Variants in DENND5B observed in about 807,000 individuals in gnomAD.
DENND5B encodes DENN domain containing 5B.
Under a neutral mutation model 140.6 loss-of-function variants are expected in DENND5B, and 34 were observed. The observed-to-expected ratio is 0.24, with a 90% CI of 0.18 to 0.32. The LOEUF (loss-of-function observed/expected upper bound fraction) is 0.32. Among genes scored for constraint, DENND5B ranks in the 10% least tolerant of loss-of-function variants. The pLI is 1.00. For synonymous variants in DENND5B, 551 were observed against 562.1 expected (o/e 0.98, Z 0.28); for missense variants, 1,142 against 1,560.2 (o/e 0.73, Z 4.52).
At chr12:31,529,710 A>G (rs1948213669) in intron 1 of DENND5B, among the ~76,000 whole-genome samples, 1 of 151,824 alleles carries the variant, frequency 6.6e-6, no homozygotes, top group Non-Finnish European at 1.5e-5. Flanking sequence ...CAAAATAAAT[A>G]AATAAATAAA....
intron 1 of DENND5B, among the ~76,000 whole-genome samples, chr12:31,517,128 T>A (rs907798094): frequency 2.0e-4 from 30 of 152,186 alleles, no homozygotes; most frequent in African/African-American, 7.2e-4. Flanking sequence ...ATAAAAACTT[T>A]AGATAAATGA....
intron 1 of DENND5B, among the ~76,000 whole-genome samples, chr12:31,523,516 A>G (rs1947978725): frequency 6.6e-6 from 1 of 152,142 alleles, no homozygotes. Context: ...TCACCAAAAC[A>G]AAACAAAAAA....
chr12:31,531,395 TC>T (rs1948275929), intron 1 of DENND5B, among the ~76,000 whole-genome samples: 1 of 152,162 alleles, frequency 6.6e-6, no homozygotes, highest in African/African-American at 2.4e-5. Flanking sequence ...AGACAGTGTT[TC>T]GCCATGTTGG....
chr12:31,437,138 G>GC (rs1174192766), intron 7 of DENND5B, among the ~76,000 whole-genome samples: 2 of 101,444 alleles, frequency 2.0e-5, no homozygotes, highest in African/African-American at 5.9e-5. Flanking sequence ...TATAGCACCT[G>GC]CCCCCCCCTT....
At chr12:31,435,588 C>T (rs1350347298) in intron 7 of DENND5B, among the ~76,000 whole-genome samples, 5 of 152,170 alleles carry the variant, frequency 3.3e-5, no homozygotes, top group Admixed American at 2.6e-4. Context: ...AAGACTTCTA[C>T]TTATTTACGT....
chr12:31,517,239 C>T (rs889724726), intron 1 of DENND5B, among the ~76,000 whole-genome samples: 3 of 152,224 alleles, frequency 2.0e-5, no homozygotes, highest in Admixed American at 6.5e-5. Flanking sequence ...CTACAACCCA[C>T]GGTGATTCCT....
chr12:31,468,587 G>A (rs528076996), intron 3 of DENND5B, among the ~76,000 whole-genome samples: 1 of 151,772 alleles, frequency 6.6e-6, no homozygotes, highest in Admixed American at 6.6e-5. Context: ...CAGGAGGATC[G>A]CTTGGACCCA....
chr12:31,530,140 C>T (rs997288387), intron 1 of DENND5B, among the ~76,000 whole-genome samples: 1 of 151,926 alleles, frequency 6.6e-6, no homozygotes, highest in Non-Finnish European at 1.5e-5. Flanking sequence ...TGGGAGGCAG[C>T]GGCGGGCAGA....
intron 5 of DENND5B, 127 bp downstream of exon 5, chr12:31,451,813 A>T: frequency 3.4e-6 from 4 of 1,162,422 alleles, no homozygotes; most frequent in Non-Finnish European, 4.8e-6. Context: ...GTCTGCATTT[A>T]AAAAAGGTTA....
chr12:31,480,985 T>A (rs887672179), intron 2 of DENND5B, among the ~76,000 whole-genome samples: 1 of 152,122 alleles, frequency 6.6e-6, no homozygotes. Context: ...ATGCTATATT[T>A]AAGACACTTA....
intron 5 of DENND5B, among the ~76,000 whole-genome samples, chr12:31,451,426 C>A (rs563123886): frequency 6.6e-6 from 1 of 152,056 alleles, no homozygotes; most frequent in Admixed American, 6.6e-5. Context: ...CGGGTTCAAG[C>A]GATTCTCCTG....
chr12:31,453,095 C>T (rs1190582981), intron 4 of DENND5B, among the ~76,000 whole-genome samples: 1 of 152,160 alleles, frequency 6.6e-6, no homozygotes, highest in Non-Finnish European at 1.5e-5. Flanking sequence ...AAAATCAATC[C>T]AATTCACAGA....
intron 1 of DENND5B, among the ~76,000 whole-genome samples, chr12:31,567,614 G>C (rs1462468629): frequency 6.7e-6 from 1 of 149,586 alleles, no homozygotes; most frequent in Non-Finnish European, 1.5e-5. Flanking sequence ...CCTCCATCCA[G>C]AGTGATATTC....
At chr12:31,486,358 C>T (rs1395414690) in intron 2 of DENND5B, among the ~76,000 whole-genome samples, 1 of 152,184 alleles carries the variant, frequency 6.6e-6, no homozygotes, top group Non-Finnish European at 1.5e-5. Flanking sequence ...CCTACAGACA[C>T]CTTGATCTTG....
At chr12:31,412,767 T>A (rs182428003) in intron 13 of DENND5B, among the ~76,000 whole-genome samples, 1 of 152,338 alleles carries the variant, frequency 6.6e-6, no homozygotes, top group Non-Finnish European at 1.5e-5. Flanking sequence ...TTTCTTTTTT[T>A]ACTCCAGGTT....
In DENND5B at chr12:31,460,388, A is replaced by C; in HGVS notation, c.905-7T>G. ...GTCATCAGGCGTTGATAATCTGCAC[A>C]GAACAAGGAAAAAGGAAAGGGAAGA... On this transcript the variant is annotated splice_region_variant and splice_polypyrimidine_tract_variant and intron_variant, in intron 3 of 20. Transcript: ENST00000389082. 1 of 1,607,180 alleles carries C rather than the reference A, an allele frequency of 6.2e-7. No individual in the cohort carries two copies. Among genetic ancestry groups the C allele is most frequent in the South Asian group, 1.1e-5 (1 of 90,608 alleles).
chr12:31,391,661 T>C (rs1191131552), intron 19 of DENND5B, among the ~76,000 whole-genome samples: 1 of 152,130 alleles, frequency 6.6e-6, no homozygotes, highest in South Asian at 2.1e-4. Context: ...CATTATTATA[T>C]ACACTTTTTG....
At chr12:31,568,875 C>T (rs1322667349) in intron 1 of DENND5B, among the ~76,000 whole-genome samples, 2 of 152,042 alleles carry the variant, frequency 1.3e-5, no homozygotes, top group African/African-American at 4.8e-5. Flanking sequence ...TTTCCCAAGT[C>T]ATCTCCCACC....
chr12:31,509,075 C>A (rs928394487), intron 1 of DENND5B, among the ~76,000 whole-genome samples: 2 of 152,074 alleles, frequency 1.3e-5, no homozygotes, highest in African/African-American at 4.8e-5. Context: ...ATGGGAAAAA[C>A]AAAGTCTTCC....
Sources: allele counts gnomAD v4.1 joint callset (sites outside exome capture counted in the v4.1 genomes callset), GRCh38; gene constraint gnomAD v4.1.1; transcripts MANE v1.5; gene names NCBI Gene and HGNC (gene_info 2026-07-23, HGNC 2026-07-21).